SEPTIN14: variants seen among roughly 807,000 people sequenced by gnomAD.
The protein encoded by SEPTIN14 is septin 14, also known as septin-14.
In SEPTIN14, 40 loss-of-function variants were observed where a neutral mutation model predicts 53.6. The observed-to-expected ratio is 0.75, with a 90% CI of 0.58 to 0.97. The LOEUF is 0.97. Ranked by LOEUF, SEPTIN14 falls within the 50% of genes least tolerant of loss-of-function variation. The probability of loss-of-function intolerance (pLI) is 0.00; values close to 1 mark genes in which losing one functional copy is unlikely to be tolerated. For synonymous variants in SEPTIN14, 138 were observed against 166.8 expected (o/e 0.83, Z 1.33); for missense variants, 471 against 508.2 (o/e 0.93, Z 0.70).
intron 8 of SEPTIN14, 90 bp from the exon 9 acceptor site, chr7:55,805,480 C>G: frequency 1.2e-6 from 1 of 850,316 alleles, no homozygotes. Context: ...GAATCAAAAT[C>G]GTGCCACTGC....
intron 7 of SEPTIN14, among the ~76,000 whole-genome samples, chr7:55,811,644 G>A (rs1244471950): frequency 2.0e-5 from 3 of 150,630 alleles, no homozygotes; most frequent in Non-Finnish European, 4.4e-5. Context: ...TGAGACTATA[G>A]GCATGCACCA....
intron 2 of SEPTIN14, among the ~76,000 whole-genome samples, chr7:55,856,225 G>A (rs1460366886): frequency 1.3e-5 from 2 of 151,934 alleles, no homozygotes; most frequent in Admixed American, 6.6e-5. Flanking sequence ...ATATGTCTAT[G>A]AGTACCCAAT....
chr7:55,857,820 C>T (rs1380870419), intron 2 of SEPTIN14, among the ~76,000 whole-genome samples: 1 of 150,996 alleles, frequency 6.6e-6, no homozygotes, highest in Non-Finnish European at 1.5e-5. Context: ...ATCTCCTGAC[C>T]TCGTGATCCG....
chr7:55,818,880 G>A (rs1317025416), intron 7 of SEPTIN14, among the ~76,000 whole-genome samples: 3 of 152,130 alleles, frequency 2.0e-5, no homozygotes, highest in East Asian at 3.8e-4. Flanking sequence ...AGACAAAGAG[G>A]TTCTTCCCAG....
At chr7:55,799,436 T>C (rs1298086415) in intron 9 of SEPTIN14, among the ~76,000 whole-genome samples, 2 of 147,134 alleles carry the variant, frequency 1.4e-5, no homozygotes, top group African/African-American at 5.1e-5. Context: ...GAGAATCTCT[T>C]GAGTCCAGGA....
In SEPTIN14 at chr7:55,799,502, A is replaced by G. The variant is rs537440682; in HGVS notation, c.1120-3410T>C. ...CACTGTACTCCAGCCTAGGTGACAG[A>G]GCAAGACTCTTGTCTCAAAAAAAAA... On this transcript the variant is annotated intron_variant, in intron 9 of 9. Coordinates refer to ENST00000388975, the MANE Select transcript of SEPTIN14 (RefSeq NM_207366.3). Among the ~76,000 whole-genome samples, 22 of 137,130 alleles carry G rather than the reference A, an allele frequency of 1.6e-4. No individual in the cohort carries two copies. In the South Asian group the frequency reaches 5.1e-3, roughly 32 times the overall value. 90.0% of individuals were successfully genotyped at this position (137,130 alleles called of 152,430 possible).
chr7:55,831,352 T>G (rs929831556), intron 6 of SEPTIN14, among the ~76,000 whole-genome samples: 10 of 152,082 alleles, frequency 6.6e-5, no homozygotes, highest in African/African-American at 9.7e-5. Flanking sequence ...TTTGACAAAG[T>G]TGGCAAAAAT....
chr7:55,810,302 GTTAT>G (rs1476702106), intron 7 of SEPTIN14, among the ~76,000 whole-genome samples: 1 of 151,608 alleles, frequency 6.6e-6, no homozygotes, highest in Non-Finnish European at 1.5e-5. Flanking sequence ...TTTTCCTTGT[GTTAT>G]TTGTTTTCTT....
chr7:55,797,429 A>G (rs1788449580), intron 9 of SEPTIN14, among the ~76,000 whole-genome samples: 1 of 152,228 alleles, frequency 6.6e-6, no homozygotes, highest in South Asian at 2.1e-4. Context: ...CATGACATAG[A>G]CAAGAGAATC....
chr7:55,834,668 A>C, intron 5 of SEPTIN14, 82 bp from the exon 6 acceptor site: 1 of 1,186,546 alleles, frequency 8.4e-7, no homozygotes, highest in Non-Finnish European at 1.2e-6. Context: ...TTTGAGACGG[A>C]GTCTCGCTTT....
chr7:55,804,062 G>A (rs1195726765), intron 9 of SEPTIN14, among the ~76,000 whole-genome samples: 5 of 147,080 alleles, frequency 3.4e-5, no homozygotes, highest in African/African-American at 1.3e-4. Context: ...CGTGAACCCA[G>A]GAGGCGGAGC....
At position 55,805,361 on chromosome 7, in the gene SEPTIN14, T is replaced by C; in HGVS notation, c.1016A>G (p.Gln339Arg). ...CCTCTGACATTGATCATAGAACTCT[T>C]GTCTTTTGGCTTCAAAGATTTCTTG... ...SFQEIFEAKR[Q>R]EFYDQCQREE... The change falls in exon 9 of 10, where the codon CAA becomes CGA. Residue 339 changes from glutamine to arginine, a missense_variant. Physicochemically the swap from Gln to Arg is conservative, Grantham distance 43. Coordinates refer to ENST00000388975, the MANE Select transcript of SEPTIN14 (RefSeq NM_207366.3). 6.3e-7 allele frequency: 1 copy of C among 1,596,676 alleles called. No individual in the cohort carries two copies.
At chr7:55,806,098 G>A (rs1404476685) in intron 8 of SEPTIN14, among the ~76,000 whole-genome samples, 3 of 152,078 alleles carry the variant, frequency 2.0e-5, no homozygotes, top group Admixed American at 1.3e-4. Flanking sequence ...CCAGGTTCAA[G>A]CGATTCTCCT....
At chr7:55,833,361 A>AAC (rs1399731154) in intron 6 of SEPTIN14, among the ~76,000 whole-genome samples, 1 of 151,544 alleles carries the variant, frequency 6.6e-6, no homozygotes, top group South Asian at 2.1e-4. Flanking sequence ...CACACACACA[A>AAC]ACACACACAC....
chr7:55,830,199 A>G (rs1789075647), intron 6 of SEPTIN14, among the ~76,000 whole-genome samples: 1 of 148,788 alleles, frequency 6.7e-6, no homozygotes, highest in Admixed American at 6.7e-5. Context: ...AAGGACTTGC[A>G]TGTTTTTTTC....
chr7:55,835,835 C>A (rs1020705848), intron 5 of SEPTIN14, among the ~76,000 whole-genome samples: 8 of 152,054 alleles, frequency 5.3e-5, no homozygotes, highest in Admixed American at 2.6e-4. Context: ...GTCTGCCTCC[C>A]GGGTTCAAGC....
At chr7:55,823,791 C>A (rs1320932188) in intron 6 of SEPTIN14, among the ~76,000 whole-genome samples, 2 of 152,182 alleles carry the variant, frequency 1.3e-5, no homozygotes, top group African/African-American at 4.8e-5. Context: ...TGTTTGCAGT[C>A]AGCTTCTTTC....
intron 9 of SEPTIN14, among the ~76,000 whole-genome samples, chr7:55,799,952 G>A (rs1396974951): frequency 1.3e-5 from 2 of 152,112 alleles, no homozygotes; most frequent in African/African-American, 4.8e-5. Flanking sequence ...CAAGGGCACA[G>A]GAACATTCTC....
At chr7:55,837,209 G>A (rs575194564) in intron 5 of SEPTIN14, among the ~76,000 whole-genome samples, 53 of 151,056 alleles carry the variant, frequency 3.5e-4, no homozygotes, top group Middle Eastern at 3.4e-3. Flanking sequence ...TCAACCTCCC[G>A]GGCTGAAGCG....
Sources: gnomAD v4.1 joint callset for allele counts (sites outside exome capture counted in the v4.1 genomes callset) on GRCh38, gnomAD v4.1.1 for gene constraint, MANE v1.5 for transcripts, NCBI Gene and HGNC (gene_info 2026-07-23, HGNC 2026-07-21) for gene names.